The following MIR2052HG variants were observed in gnomAD, a reference collection of about 807,000 sequenced individuals.
MIR2052HG encodes the protein MIR2052 host gene.
chr8:74,706,954 T>C (rs1263917152), intron 4 of MIR2052HG, among the ~76,000 whole-genome samples: 1 of 152,074 alleles, frequency 6.6e-6, no homozygotes, highest in Admixed American at 6.6e-5. Flanking sequence ...AAATGCACTT[T>C]TCTAAAATGT....
chr8:74,638,835 T>C (rs1808609649), intron 2 of MIR2052HG, among the ~76,000 whole-genome samples: 1 of 152,186 alleles, frequency 6.6e-6, no homozygotes, highest in Non-Finnish European at 1.5e-5. Context: ...AATCTGGGCA[T>C]CATCAGGATA....
chr8:74,724,401 T>C (rs1037928228), intron 4 of MIR2052HG, among the ~76,000 whole-genome samples: 2 of 152,216 alleles, frequency 1.3e-5, no homozygotes, highest in Non-Finnish European at 2.9e-5. Flanking sequence ...TGCTATGGTA[T>C]TTCTGCTTCT....
intron 2 of MIR2052HG, among the ~76,000 whole-genome samples, chr8:74,650,211 A>G (rs1414167638): frequency 6.6e-6 from 1 of 152,168 alleles, no homozygotes; most frequent in Non-Finnish European, 1.5e-5. Flanking sequence ...AGACAATTTC[A>G]TCACCCCTTT....
At chr8:74,740,084 A>C (rs1240145353) in intron 4 of MIR2052HG, among the ~76,000 whole-genome samples, 1 of 152,330 alleles carries the variant, frequency 6.6e-6, no homozygotes, top group East Asian at 1.9e-4. Context: ...ATTTAATGTG[A>C]GCTTTGACCA....
At chr8:74,698,731 T>C (rs903557102) in intron 2 of MIR2052HG, among the ~76,000 whole-genome samples, 3 of 152,048 alleles carry the variant, frequency 2.0e-5, no homozygotes, top group Non-Finnish European at 2.9e-5. Context: ...AGCTGAACAA[T>C]GAGAACACAT....
chr8:74,703,744 C>G, intron 4 of MIR2052HG: 1 of 420,058 alleles, frequency 2.4e-6, no homozygotes, highest in South Asian at 1.8e-5. Context: ...GTCAAGTGAT[C>G]TCTTTTGGTC....
chr8:74,634,803 A>G (rs1586899092), intron 2 of MIR2052HG, among the ~76,000 whole-genome samples: 1 of 152,244 alleles, frequency 6.6e-6, no homozygotes, highest in East Asian at 1.9e-4. Context: ...GGACAACGAA[A>G]TCTGAGGGGT....
chr8:74,609,819 G>A (rs948716289), intron 1 of MIR2052HG: 2 of 150,962 alleles, frequency 1.3e-5, no homozygotes, highest in South Asian at 2.1e-4. Context: ...AACCCACTAT[G>A]AACATATGTG....
At chr8:74,602,876 T>TTCTTTCTTTCTTTC (rs1586883851) in intron 1 of MIR2052HG, among the ~76,000 whole-genome samples, 26 of 137,088 alleles carry the variant, frequency 1.9e-4, no homozygotes, top group South Asian at 4.6e-4. Flanking sequence ...TTTCTTTCTT[T>TTCTTTCTTTCTTTC]TTTCTATTCA....
chr8:74,613,526 C>T (rs895364392), intron 2 of MIR2052HG, among the ~76,000 whole-genome samples: 3 of 152,170 alleles, frequency 2.0e-5, no homozygotes, highest in Admixed American at 1.3e-4. Flanking sequence ...GCTGTGTCAC[C>T]AAGGCTGGGG....
chr8:74,679,359 CCTGAGTTATTT>C (rs1809092671), intron 2 of MIR2052HG, among the ~76,000 whole-genome samples: 1 of 151,994 alleles, frequency 6.6e-6, no homozygotes, highest in African/African-American at 2.4e-5. Flanking sequence ...GTTTTCCATT[CCTGAGTTATTT>C]CTTTTACAGT....
intron 1 of MIR2052HG, among the ~76,000 whole-genome samples, chr8:74,602,654 G>A (rs1808018919): frequency 6.6e-6 from 1 of 151,630 alleles, no homozygotes; most frequent in South Asian, 2.1e-4. Flanking sequence ...TAGGATTACA[G>A]GCACATGCCA....
At chr8:74,695,915 T>C (rs1809290976) in intron 2 of MIR2052HG, among the ~76,000 whole-genome samples, 1 of 152,080 alleles carries the variant, frequency 6.6e-6, no homozygotes, top group Admixed American at 6.6e-5. Flanking sequence ...AGAGAGGTCA[T>C]CAAGACAGAA....
intron 2 of MIR2052HG, among the ~76,000 whole-genome samples, chr8:74,621,981 C>T (rs1451816504): frequency 1.3e-5 from 2 of 152,244 alleles, no homozygotes; most frequent in South Asian, 2.1e-4. Context: ...CTCTTTGACA[C>T]TGGTCTGGGT....
chr8:74,624,328 G>T (rs1234324923), intron 2 of MIR2052HG, among the ~76,000 whole-genome samples: 1 of 152,218 alleles, frequency 6.6e-6, no homozygotes, highest in East Asian at 1.9e-4. Context: ...CAAGGGGGTT[G>T]ATTTCACTTC....
chr8:74,600,695 C>G (rs557024130), intron 1 of MIR2052HG, among the ~76,000 whole-genome samples: 1 of 152,096 alleles, frequency 6.6e-6, no homozygotes, highest in East Asian at 2.0e-4. Flanking sequence ...CCTGCCTCAG[C>G]CTCCCAAGTA....
intron 2 of MIR2052HG, among the ~76,000 whole-genome samples, chr8:74,671,668 T>C (rs1266236905): frequency 6.6e-6 from 1 of 152,086 alleles, no homozygotes. Flanking sequence ...GGACTGAAAA[T>C]GAGAGAGCTA....
chr8:74,745,674 T>C (rs1175330669), intron 4 of MIR2052HG, among the ~76,000 whole-genome samples: 6 of 152,120 alleles, frequency 3.9e-5, no homozygotes, highest in Non-Finnish European at 1.5e-5. Flanking sequence ...ACCTGACACT[T>C]TGTTGAATCT....
chr8:74,679,046 T>A (rs1341433224), intron 2 of MIR2052HG, among the ~76,000 whole-genome samples: 2 of 152,188 alleles, frequency 1.3e-5, no homozygotes, highest in Admixed American at 1.3e-4. Flanking sequence ...GAAGAGAATA[T>A]CTTTATCAAA....
Sources: allele counts gnomAD v4.1 joint callset (sites outside exome capture counted in the v4.1 genomes callset), GRCh38; gene constraint gnomAD v4.1.1; transcripts MANE v1.5; gene names NCBI Gene and HGNC (gene_info 2026-07-23, HGNC 2026-07-21).